Variants in WDR89 observed in about 807,000 individuals in gnomAD.
The protein encoded by WDR89 is WD repeat-containing protein 89.
In WDR89, 17 loss-of-function variants were observed where a neutral mutation model predicts 29.1. The ratio of observed to expected loss-of-function variants is 0.58; its 90% CI spans 0.40 to 0.88. WDR89 has a LOEUF of 0.88. Ranked by LOEUF, WDR89 falls within the 40% of genes least tolerant of loss-of-function variation. The probability of loss-of-function intolerance (pLI) is 0.00; values close to 1 mark genes in which losing one functional copy is unlikely to be tolerated. For missense variants in WDR89, 396 were observed against 456.3 expected (o/e 0.87, Z 1.20); for synonymous variants, 138 against 157.8 (o/e 0.87, Z 0.94).
In WDR89 at chr14:63,608,187, T is replaced by C. The variant is rs962577572; in HGVS notation, c.-31-8214A>G. 3.2e-4 allele frequency among the ~76,000 whole-genome samples: 48 copies of C among 152,174 alleles called. 1 individual carries two copies. Among genetic ancestry groups the C allele is most frequent in the African/African-American group, 9.9e-4 (41 of 41,500 alleles). On this transcript the variant is annotated intron_variant, in intron 2 of 2. Coordinates refer to ENST00000620954, the MANE Select transcript of WDR89 (RefSeq NM_080666.4). ...TACCGTTGAACTCCAGCCTGAGCAA[T>C]AGAGTGAGACTCTGCCTCAAAAACA...
chr14:63,639,255 CAT>C (rs1437655478), intron 1 of WDR89, among the ~76,000 whole-genome samples: 2 of 151,262 alleles, frequency 1.3e-5, no homozygotes, highest in African/African-American at 4.9e-5. Flanking sequence ...CATGGTGGCT[CAT>C]GCCAGTAATG....
chr14:63,601,547 C>G, intron 2 of WDR89: 4 of 1,577,302 alleles, frequency 2.5e-6, no homozygotes, highest in Non-Finnish European at 3.5e-6. Context: ...CACTCTTTGA[C>G]CGAGTATTGG....
rs573487076 is a variant in WDR89 at position 63,601,566 on chromosome 14, A to C, written c.-31-1593T>G. 24 of 1,598,188 alleles carry C rather than the reference A, an allele frequency of 1.5e-5. No homozygotes were observed. The East Asian group carries it at 5.1e-4, about 34-fold the overall frequency. On this transcript the variant is annotated intron_variant, in intron 2 of 2. Coordinates refer to ENST00000620954, the MANE Select transcript of WDR89 (RefSeq NM_080666.4). ...CTTTGACCGAGTATTGGTTGAAAGG[A>C]GTGCTGTTGAAACTGTAACCAAAGG...
intron 1 of WDR89, among the ~76,000 whole-genome samples, chr14:63,627,693 G>A (rs1013641349): frequency 4.6e-5 from 7 of 151,962 alleles, no homozygotes; most frequent in African/African-American, 1.5e-4. Flanking sequence ...TTTCCTTCAC[G>A]AAGGAATAAA....
intron 2 of WDR89, among the ~76,000 whole-genome samples, chr14:63,609,309 C>T (rs930969477): frequency 6.6e-6 from 1 of 152,092 alleles, no homozygotes. Flanking sequence ...ACGATTCTTA[C>T]AGCTGTTCAG....
At chr14:63,633,001 TA>T (rs1883506544) in intron 1 of WDR89, among the ~76,000 whole-genome samples, 1 of 152,186 alleles carries the variant, frequency 6.6e-6, no homozygotes, top group African/African-American at 2.4e-5. Flanking sequence ...CTGGCTTTAC[TA>T]ACTATATGTT....
At chr14:63,638,295 C>T (rs1883878208) in intron 1 of WDR89, among the ~76,000 whole-genome samples, 1 of 152,120 alleles carries the variant, frequency 6.6e-6, no homozygotes, top group South Asian at 2.1e-4. Flanking sequence ...AAGAAAATTA[C>T]AAGAAGCTAC....
Position 63,598,989 on chromosome 14 carries a change from TCCCTGAAGGC to T in WDR89, c.944_953del (p.Ser315LysfsTer20). The T allele has an allele frequency of 6.2e-7, 1 of 1,614,202 alleles. No individual in the cohort carries two copies. Among genetic ancestry groups the T allele is most frequent in the South Asian group, 1.1e-5 (1 of 91,084 alleles). On this transcript the variant is annotated frameshift_variant, in exon 3 of 3. Transcript: ENST00000620954. LOFTEE classifies it high-confidence loss of function. ...AAGAACGGACTGTAGCAGCATGCCC[TCCCTGAAGGC>T]TAGTCACATGGGTCAGTCCTGACAT...
chr14:63,626,676 CAAAAAAAAAAAAAAAAAAAAA>C (rs35582220), intron 1 of WDR89, among the ~76,000 whole-genome samples: 1 of 34,550 alleles, frequency 2.9e-5, no homozygotes, highest in Non-Finnish European at 6.0e-5. Context: ...GAGACTGTCT[CAAAAAAAAAAAAAAAAAAAAA>C]AAAAAAAAAA....
chr14:63,617,934 T>C (rs923587396), intron 2 of WDR89: 10 of 152,124 alleles, frequency 6.6e-5, no homozygotes, highest in African/African-American at 2.4e-4. Context: ...TCTATAATGG[T>C]AGAAGTAAGA....
intron 1 of WDR89, among the ~76,000 whole-genome samples, chr14:63,641,097 C>CAAAAAAAAAAA (rs57478091): frequency 7.8e-5 from 5 of 64,178 alleles, no homozygotes; most frequent in African/African-American, 1.3e-4. Flanking sequence ...GACTCCATCT[C>CAAAAAAAAAAA]AAAAAAAAAA....
intron 2 of WDR89, among the ~76,000 whole-genome samples, chr14:63,617,673 C>A (rs1020457676): frequency 3.3e-5 from 5 of 151,802 alleles, no homozygotes; most frequent in African/African-American, 1.2e-4. Context: ...TTAGTCGAGA[C>A]GAGGTTTCAC....
At chr14:63,606,220 T>C (rs1895315078) in intron 2 of WDR89, among the ~76,000 whole-genome samples, 1 of 152,170 alleles carries the variant, frequency 6.6e-6, no homozygotes, top group East Asian at 1.9e-4. Context: ...AGTGGTGAGA[T>C]TACAGGCATG....
At position 63,597,917 on chromosome 14, in the gene WDR89, T is replaced by C. The variant is rs1445456721; in HGVS notation, c.*862A>G. ...AGCTGGTAATCCAGATGAGAAATAA[T>C]GAAAGTCTTCTCTAGGGTAATAGTG... On this transcript the variant is annotated 3_prime_UTR_variant, in exon 3 of 3. Transcript: ENST00000620954. The C allele has an allele frequency of 6.6e-6, 1 of 152,116 alleles. No individual in the cohort carries two copies. The highest frequency in any genetic ancestry group is 6.5e-5 in the Admixed American group (1 of 15,268). The allele number at this position is 152,116 out of a possible 1,614,324, so 9.4% of individuals were successfully genotyped here. A position where few individuals can be genotyped will look rare whatever the true frequency, so the allele number is the denominator to read the frequency against.
chr14:63,598,899 C>T lies in WDR89; in HGVS notation c.1044G>A (p.Trp348Ter), dbSNP rs1894911791. Reference protein sequence around the residue: ...TGGEDAQLLLWKPGAIEKTFT... With the variant: ...TGGEDAQLLL ...AGGTCTTCTCTATAGCTCCAGGTTT[C>T]CAAAGTAACAACTGTGCATCTTCTC... The change falls in exon 3 of 3, where the codon TGG (tryptophan) becomes TGA (stop). Residue 348 changes from tryptophan to a stop codon, truncating the protein, a stop_gained. Coordinates refer to ENST00000620954, the MANE Select transcript of WDR89 (RefSeq NM_080666.4). LOFTEE classifies it high-confidence loss of function. The T allele has an allele frequency of 1.2e-6, 2 of 1,614,162 alleles. No homozygotes were observed. The highest frequency in any genetic ancestry group is 1.7e-6 in the Non-Finnish European group (2 of 1,180,034).
intron 1 of WDR89, among the ~76,000 whole-genome samples, chr14:63,629,866 A>G (rs941526853): frequency 7.9e-5 from 12 of 152,206 alleles, no homozygotes; most frequent in Non-Finnish European, 1.5e-5. Flanking sequence ...ATTTTTACCT[A>G]CAGCAGCTAC....
At chr14:63,610,379 AC>A (rs1322057397) in intron 2 of WDR89, among the ~76,000 whole-genome samples, 1 of 152,128 alleles carries the variant, frequency 6.6e-6, no homozygotes, top group Non-Finnish European at 1.5e-5. Flanking sequence ...ATGTAGATAT[AC>A]CCCCTGTAGA....
chr14:63,619,722 A>G (rs1429571381), intron 2 of WDR89, among the ~76,000 whole-genome samples: 1 of 152,170 alleles, frequency 6.6e-6, no homozygotes, highest in African/African-American at 2.4e-5. Context: ...AATTAAAAAT[A>G]GGCTGGGCAC....
chr14:63,638,247 AAAGT>A (rs1379416273), intron 1 of WDR89, among the ~76,000 whole-genome samples: 2 of 152,132 alleles, frequency 1.3e-5, no homozygotes, highest in African/African-American at 4.8e-5. Flanking sequence ...TCTTGGCCAA[AAAGT>A]AAGTTTTAAA....
Sources: gnomAD v4.1 joint callset for allele counts (sites outside exome capture counted in the v4.1 genomes callset) on GRCh38, gnomAD v4.1.1 for gene constraint, MANE v1.5 for transcripts, NCBI Gene and HGNC (gene_info 2026-07-23, HGNC 2026-07-21) for gene names.